Variants in CHRDL1 observed in about 807,000 individuals in gnomAD.
CHRDL1 encodes the protein chordin like 1, also known as chordin-like protein 1.
In CHRDL1, 19 loss-of-function variants were observed where a neutral mutation model predicts 40.9. That is an observed-to-expected ratio of 0.46 (90% CI 0.32 to 0.68). The LOEUF (loss-of-function observed/expected upper bound fraction) is 0.68, where lower values mean the gene tolerates loss of function less well. Among genes scored for constraint, CHRDL1 ranks in the 30% least tolerant of loss-of-function variants. The pLI is 0.03. For synonymous variants in CHRDL1, 136 were observed against 123.4 expected, an observed-to-expected ratio of 1.10 and a Z score of -0.68; for missense variants, 329 against 352.1, an observed-to-expected ratio of 0.93 and a Z score of 0.53.
At chrX:110,729,451 A>G (rs999287476) in intron 4 of CHRDL1, among the ~76,000 whole-genome samples, 2 of 111,321 alleles carry the variant, frequency 1.8e-5, no homozygotes, top group East Asian at 2.8e-4. Flanking sequence ...CTCCCCCATA[A>G]GAACTTAACT....
At chrX:110,717,313 A>C (rs2070860708) in intron 6 of CHRDL1, among the ~76,000 whole-genome samples, 1 of 112,219 alleles carries the variant, frequency 8.9e-6, no homozygotes, top group African/African-American at 3.2e-5. Flanking sequence ...CAGGAAGAGG[A>C]CTGAGCAAAG....
At chrX:110,790,950 A>G (rs1462214002) in intron 2 of CHRDL1, among the ~76,000 whole-genome samples, 1 of 106,873 alleles carries the variant, frequency 9.4e-6, no homozygotes, top group Non-Finnish European at 1.9e-5. Context: ...AAGCATAATC[A>G]AAAACACTAT....
At chrX:110,771,002 C>G (rs774133584) in intron 2 of CHRDL1, among the ~76,000 whole-genome samples, 1 of 110,199 alleles carries the variant, frequency 9.1e-6, no homozygotes, top group Non-Finnish European at 1.9e-5. Context: ...CAAAAATTAG[C>G]CAGGCATGGT....
chrX:110,726,295 G>T (rs2071055704), intron 4 of CHRDL1, among the ~76,000 whole-genome samples: 1 of 111,413 alleles, frequency 9.0e-6, no homozygotes, highest in Admixed American at 9.5e-5. Context: ...CCTTTGGGAG[G>T]TGATTAAGTT....
At chrX:110,761,165 C>A (rs2089557204) in intron 3 of CHRDL1, among the ~76,000 whole-genome samples, 1 of 111,436 alleles carries the variant, frequency 9.0e-6, no homozygotes, top group African/African-American at 3.3e-5. Flanking sequence ...ATATCATTAT[C>A]CCATTTATAA....
intron 2 of CHRDL1, among the ~76,000 whole-genome samples, chrX:110,779,066 A>C (rs1474282094): frequency 9.0e-6 from 1 of 111,196 alleles, no homozygotes; most frequent in African/African-American, 3.3e-5. Flanking sequence ...ATGGGCAAAA[A>C]GAGGATAACA....
At chrX:110,727,886 C>A (rs944039799) in intron 4 of CHRDL1, among the ~76,000 whole-genome samples, 3 of 111,587 alleles carry the variant, frequency 2.7e-5, no homozygotes, top group African/African-American at 9.7e-5. Context: ...AAAAATTATT[C>A]ATTGCAGCAT....
At chrX:110,766,268 T>C (rs975053821) in intron 2 of CHRDL1, among the ~76,000 whole-genome samples, 12 of 109,528 alleles carry the variant, frequency 1.1e-4, no homozygotes, top group Non-Finnish European at 2.3e-4. Context: ...AAATAGACAA[T>C]CTAAGGTCAC....
chrX:110,775,023 C>T (rs1187440152), intron 2 of CHRDL1, among the ~76,000 whole-genome samples: 1 of 111,732 alleles, frequency 8.9e-6, no homozygotes, highest in Non-Finnish European at 1.9e-5. Context: ...ACAGACCATA[C>T]CAATAGAAGA....
At chrX:110,697,016 C>A (rs2070399550) in intron 7 of CHRDL1, among the ~76,000 whole-genome samples, 1 of 110,926 alleles carries the variant, frequency 9.0e-6, no homozygotes, top group Admixed American at 9.6e-5. Context: ...TTATTAACGC[C>A]CTGAAGTTGT....
chrX:110,763,375 T>A (rs1266498869), intron 2 of CHRDL1, among the ~76,000 whole-genome samples: 3 of 109,675 alleles, frequency 2.7e-5, no homozygotes, highest in Non-Finnish European at 5.7e-5. Context: ...GATCATACGA[T>A]GTTCGGTTTC....
At chrX:110,774,140 T>A (rs746486113) in intron 2 of CHRDL1, among the ~76,000 whole-genome samples, 1 of 112,077 alleles carries the variant, frequency 8.9e-6, no homozygotes, top group African/African-American at 3.2e-5. Context: ...TTTTCCCGGA[T>A]AATTTTCCTT....
intron 7 of CHRDL1, among the ~76,000 whole-genome samples, chrX:110,698,589 AAAATCAAT>A (rs1436287483): frequency 2.7e-5 from 3 of 112,174 alleles, no homozygotes; most frequent in Non-Finnish European, 5.6e-5. Flanking sequence ...AACTCCTTTG[AAAATCAAT>A]AACTATTTCA....
At chrX:110,681,932 C>A (rs1404641788) in intron 9 of CHRDL1, among the ~76,000 whole-genome samples, 1 of 111,670 alleles carries the variant, frequency 9.0e-6, no homozygotes, top group East Asian at 2.8e-4. Flanking sequence ...ACACTAGACC[C>A]CTACTACTGT....
At chrX:110,784,454 C>T (rs1376759516) in intron 2 of CHRDL1, among the ~76,000 whole-genome samples, 3 of 111,323 alleles carry the variant, frequency 2.7e-5, no homozygotes, top group African/African-American at 9.8e-5. Flanking sequence ...CTCTGTCACC[C>T]AGGCTGGAGT....
chrX:110,774,075 A>G (rs889669299), intron 2 of CHRDL1, among the ~76,000 whole-genome samples: 3 of 111,651 alleles, frequency 2.7e-5, no homozygotes, highest in African/African-American at 9.8e-5. Flanking sequence ...CACATTAAGG[A>G]CTGTTATGTT....
At chrX:110,793,245 G>A (rs374052282) in intron 1 of CHRDL1, among the ~76,000 whole-genome samples, 1 of 112,324 alleles carries the variant, frequency 8.9e-6, no homozygotes, top group East Asian at 2.8e-4. Flanking sequence ...GATCATTTTG[G>A]AGAGTTGAAT....
At chrX:110,683,086 T>C (rs2069935080) in intron 9 of CHRDL1, among the ~76,000 whole-genome samples, 1 of 112,193 alleles carries the variant, frequency 8.9e-6, no homozygotes, top group African/African-American at 3.2e-5. Flanking sequence ...TGACATGAAA[T>C]CCATGATGGC....
intron 4 of CHRDL1, among the ~76,000 whole-genome samples, chrX:110,734,628 T>A (rs1569475222): frequency 8.9e-6 from 1 of 112,004 alleles, no homozygotes; most frequent in Non-Finnish European, 1.9e-5. Context: ...AATTTAGGTC[T>A]CTTCATTTTA....
Sources: gnomAD v4.1 joint callset for allele counts (sites outside exome capture counted in the v4.1 genomes callset) on GRCh38, gnomAD v4.1.1 for gene constraint, MANE v1.5 for transcripts, NCBI Gene and HGNC (gene_info 2026-07-23, HGNC 2026-07-21) for gene names.